Variants in ERICH6B observed in about 807,000 individuals in gnomAD.
ERICH6B encodes glutamate-rich protein 6B.
ERICH6B carries 69 observed loss-of-function variants against 80.0 expected under a neutral mutation model. The observed-to-expected ratio is 0.86, with a 90% confidence interval of 0.71 to 1.05. ERICH6B has a LOEUF of 1.05. Ranked by LOEUF, ERICH6B falls within the 50% of genes least tolerant of loss-of-function variation. ERICH6B has a pLI of 0.00. For missense variants in ERICH6B, 754 were observed against 796.1 expected, an observed-to-expected ratio of 0.95 and a Z score of 0.64; for synonymous variants, 283 against 291.9, an observed-to-expected ratio of 0.97 and a Z score of 0.31.
chr13:45,544,345 G>T (rs958474372), intron 14 of ERICH6B, among the ~76,000 whole-genome samples: 2 of 152,162 alleles, frequency 1.3e-5, no homozygotes, highest in Non-Finnish European at 2.9e-5. Context: ...AAAGTGCTGG[G>T]ATTACAGGCA....
At chr13:45,614,659 T>C (rs965508471) in intron 1 of ERICH6B, among the ~76,000 whole-genome samples, 4 of 152,234 alleles carry the variant, frequency 2.6e-5, no homozygotes, top group Non-Finnish European at 5.9e-5. Context: ...CAGCCGATGC[T>C]TGGAAACCCT....
In ERICH6B at chr13:45,604,759, T is replaced by TA. The variant is rs890295958; in HGVS notation, c.-59+2804dup. On this transcript the variant is annotated intron_variant, in intron 2 of 14. Transcript: ENST00000298738. ...AGCTACCACAGTAAGACCCTATCTC[T>TA]AAAAAAAACCTAAAAAATTAGCCGG... 2.6e-5 allele frequency among the ~76,000 whole-genome samples: 4 copies of TA among 151,490 alleles called. No homozygotes were observed. The East Asian group carries it at 5.8e-4, about 22-fold the overall frequency.
chr13:45,608,658 G>A (rs779277319), intron 1 of ERICH6B, among the ~76,000 whole-genome samples: 4 of 152,082 alleles, frequency 2.6e-5, no homozygotes, highest in Admixed American at 1.3e-4. Context: ...AATAAATTAC[G>A]CTTTCTCCCC....
intron 4 of ERICH6B, among the ~76,000 whole-genome samples, 157 bp downstream of exon 4, chr13:45,590,492 A>G (rs1876112055): frequency 6.6e-6 from 1 of 152,070 alleles, no homozygotes; most frequent in Non-Finnish European, 1.5e-5. Flanking sequence ...ACTGAGTGGC[A>G]GAGGCGAGCA....
At chr13:45,592,246 G>A (rs778328671) in intron 3 of ERICH6B, among the ~76,000 whole-genome samples, 16 of 152,212 alleles carry the variant, frequency 1.1e-4, no homozygotes, top group Admixed American at 8.5e-4. Flanking sequence ...GACAAGACAC[G>A]TGCAGAAAAT....
At chr13:45,550,136 C>T in intron 12 of ERICH6B, 91 bp from the exon 13 acceptor site, 1 of 1,535,308 alleles carries the variant, frequency 6.5e-7, no homozygotes, top group Non-Finnish European at 8.8e-7. Flanking sequence ...AGTCAAACCC[C>T]ACACCTCAGT....
chr13:45,590,126 T>G (rs1367774241), intron 4 of ERICH6B, among the ~76,000 whole-genome samples: 3 of 151,914 alleles, frequency 2.0e-5, no homozygotes, highest in Non-Finnish European at 4.4e-5. Flanking sequence ...TTGTGACCCC[T>G]GCAGCTGGGC....
rs745937144 is a variant in ERICH6B, at chr13:45,580,572, AC to A, written c.919+30del. 17 of 1,549,086 alleles carry A rather than the reference AC, an allele frequency of 1.1e-5. No individual in the cohort carries two copies. The South Asian group carries it at 1.7e-4, about 15-fold the overall frequency. On this transcript the variant is annotated intron_variant, in intron 6 of 14. Transcript: ENST00000298738. Reference sequence around the variant, plus strand: ...TCTCTGGGATGGATGACTAACTTCTACAGATCATTTAAAATCATCATAAACT... The same window carrying A: ...TCTCTGGGATGGATGACTAACTTCTAAGATCATTTAAAATCATCATAAACT...
intron 2 of ERICH6B, among the ~76,000 whole-genome samples, chr13:45,606,541 ATATATATTTT>A (rs1949866174): frequency 1.7e-4 from 2 of 11,542 alleles, no homozygotes; most frequent in South Asian, 7.6e-3. Context: ...ATATATATAT[ATATATATTTT>A]TTTTTTTTTT....
At position 45,544,789 on chromosome 13, in the gene ERICH6B, T is replaced by C. The variant is rs1873923675; in HGVS notation, c.1843A>G (p.Ile615Val). Residue 615 changes from isoleucine (I) to valine (V), a missense_variant, in exon 14 of 15, where the codon ATT (isoleucine) becomes GTT (valine). Ile to Val is a conservative substitution (Grantham distance 29). Transcript: ENST00000298738. ...TACCTGGTGCCCAGGTTTAAACAAA[T>C]CTGCTTCTGTTCATAGGTGAAGCAG... ...IFCFTYEQKQ[I>V]CLNLGTRYKF... The C allele has an allele frequency of 6.4e-7, 1 of 1,551,684 alleles. No individual in the cohort carries two copies. The highest frequency in any genetic ancestry group is 8.7e-7 in the Non-Finnish European group (1 of 1,146,990).
At chr13:45,567,331 G>A (rs1021602251) in intron 9 of ERICH6B, among the ~76,000 whole-genome samples, 1 of 152,202 alleles carries the variant, frequency 6.6e-6, no homozygotes, top group African/African-American at 2.4e-5. Flanking sequence ...GATTGGTTTT[G>A]AAATGTGAGG....
intron 1 of ERICH6B, among the ~76,000 whole-genome samples, chr13:45,614,672 A>G (rs141605798): frequency 6.6e-6 from 1 of 152,346 alleles, no homozygotes; most frequent in African/African-American, 2.4e-5. Flanking sequence ...GAAACCCTAG[A>G]TGGATCAAGG....
chr13:45,582,917 G>T (rs1057510893), intron 5 of ERICH6B, among the ~76,000 whole-genome samples: 4 of 152,160 alleles, frequency 2.6e-5, no homozygotes, highest in African/African-American at 9.7e-5. Flanking sequence ...ATCTTAGGCT[G>T]GTTTCTTGTG....
In ERICH6B at chr13:45,563,782, C is replaced by T; in HGVS notation, c.1194G>A (p.Lys398=). 1 of 1,552,164 alleles carries T rather than the reference C, an allele frequency of 6.4e-7. No individual in the cohort carries two copies. The highest frequency in any genetic ancestry group is 8.7e-7 in the Non-Finnish European group (1 of 1,147,064). Reference sequence around the variant, plus strand: ...TTTCCTTGAACTTTTCATAATTTTTCTTCAGCCTAAAAGGAAAGTGGATCA... The same window carrying T: ...TTTCCTTGAACTTTTCATAATTTTTTTTCAGCCTAAAAGGAAAGTGGATCA... ...ENRWKLVIML[K]KNYEKFKETI... Residue 398 remains lysine, a synonymous_variant, in exon 10 of 15, where the codon AAG becomes AAA. Coordinates refer to ENST00000298738, the MANE Select transcript of ERICH6B (RefSeq NM_182542.3).
intron 11 of ERICH6B, among the ~76,000 whole-genome samples, chr13:45,550,616 A>G (rs1265992530): frequency 6.6e-6 from 1 of 152,254 alleles, no homozygotes; most frequent in Non-Finnish European, 1.5e-5. Flanking sequence ...TTAAAACTAC[A>G]GAAATTTAAT....
intron 11 of ERICH6B, among the ~76,000 whole-genome samples, chr13:45,558,785 C>T (rs1209610748): frequency 2.0e-5 from 3 of 152,128 alleles, no homozygotes; most frequent in African/African-American, 4.8e-5. Context: ...ATGAAACCCA[C>T]TTGATTGTGG....
intron 3 of ERICH6B, among the ~76,000 whole-genome samples, chr13:45,596,128 C>A (rs1876357824): frequency 6.6e-6 from 1 of 152,176 alleles, no homozygotes; most frequent in South Asian, 2.1e-4. Flanking sequence ...GTGAGCAGAA[C>A]TTGGTCAGTA....
At chr13:45,543,718 G>C (rs1405327547) in intron 14 of ERICH6B, among the ~76,000 whole-genome samples, 1 of 152,214 alleles carries the variant, frequency 6.6e-6, no homozygotes, top group Non-Finnish European at 1.5e-5. Context: ...AGGACTCCTA[G>C]TTTGTGCTGA....
At chr13:45,552,009 C>A (rs180802359) in intron 11 of ERICH6B, among the ~76,000 whole-genome samples, 1 of 152,174 alleles carries the variant, frequency 6.6e-6, no homozygotes, top group Non-Finnish European at 1.5e-5. Context: ...CCTCAATTTA[C>A]TGTTTAGCTG....
Sources: allele counts gnomAD v4.1 joint callset (sites outside exome capture counted in the v4.1 genomes callset), GRCh38; gene constraint gnomAD v4.1.1; transcripts MANE v1.5; gene names NCBI Gene and HGNC (gene_info 2026-07-23, HGNC 2026-07-21).